ARHGAP22: variants seen among roughly 807,000 people sequenced by gnomAD.
ARHGAP22 encodes the protein rho GTPase-activating protein 22.
In ARHGAP22, 48 loss-of-function variants were observed where a neutral mutation model predicts 59.1. That is an observed-to-expected ratio of 0.81 (90% CI 0.64 to 1.03). ARHGAP22 has a LOEUF of 1.03. Ranked by LOEUF, ARHGAP22 falls within the 50% of genes least tolerant of loss-of-function variation. ARHGAP22 has a pLI of 0.00. For synonymous variants in ARHGAP22, 445 were observed against 416.4 expected (o/e 1.07, Z -0.84); for missense variants, 1,015 against 958.7 (o/e 1.06, Z -0.78).
At chr10:48,611,729 C>A (rs1446333391) in intron 1 of ARHGAP22, among the ~76,000 whole-genome samples, 1 of 151,980 alleles carries the variant, frequency 6.6e-6, no homozygotes, top group African/African-American at 2.4e-5. Flanking sequence ...TTCTTCCCTG[C>A]CCCACTGTTC....
At chr10:48,475,768 C>T (rs1360910621) in intron 4 of ARHGAP22, among the ~76,000 whole-genome samples, 1 of 152,242 alleles carries the variant, frequency 6.6e-6, no homozygotes, top group Non-Finnish European at 1.5e-5. Context: ...CTTTCCTCAA[C>T]ATGACAGCCA....
At chr10:48,654,717 A>G (rs2062690145), upstream of ARHGAP22, among the ~76,000 whole-genome samples, 1 of 152,086 alleles carries the variant, frequency 6.6e-6, no homozygotes, top group Admixed American at 6.5e-5. Flanking sequence ...AGAGAGAGGG[A>G]GAGAGAGACA....
At chr10:48,614,316 A>G (rs562827060) in intron 1 of ARHGAP22, among the ~76,000 whole-genome samples, 1 of 152,214 alleles carries the variant, frequency 6.6e-6, no homozygotes. Flanking sequence ...GATTTGGCAA[A>G]GGAGAGTTGT....
chr10:48,457,321 C>A (rs1356665300), intron 5 of ARHGAP22, among the ~76,000 whole-genome samples: 3 of 152,196 alleles, frequency 2.0e-5, no homozygotes, highest in African/African-American at 7.2e-5. Flanking sequence ...CTTCACCCCA[C>A]CTGGGTGTCC....
chr10:48,604,003 A>C (rs1473363130), intron 1 of ARHGAP22, among the ~76,000 whole-genome samples: 1 of 152,252 alleles, frequency 6.6e-6, no homozygotes, highest in South Asian at 2.1e-4. Flanking sequence ...ACCTGAAAAG[A>C]CACATTCTAT....
At chr10:48,590,857 G>A (rs1418105491) in intron 1 of ARHGAP22, among the ~76,000 whole-genome samples, 1 of 151,722 alleles carries the variant, frequency 6.6e-6, no homozygotes, top group African/African-American at 2.4e-5. Context: ...GCAGGGTAGG[G>A]CTGGGGTGGG....
chr10:48,609,937 AC>A (rs1450658552), upstream of ARHGAP22, among the ~76,000 whole-genome samples: 4 of 152,212 alleles, frequency 2.6e-5, no homozygotes, highest in Non-Finnish European at 4.4e-5. Context: ...TCAAAGGTGA[AC>A]TTTTGCTCCA....
At chr10:48,639,762 T>C (rs941909154) in intron 1 of ARHGAP22, among the ~76,000 whole-genome samples, 3 of 152,180 alleles carry the variant, frequency 2.0e-5, no homozygotes, top group Non-Finnish European at 4.4e-5. Context: ...AATTCAGCGT[T>C]CTTAAAATAT....
intron 2 of ARHGAP22, among the ~76,000 whole-genome samples, chr10:48,569,694 G>A (rs2058277432): frequency 6.6e-6 from 1 of 152,222 alleles, no homozygotes; most frequent in Non-Finnish European, 1.5e-5. Flanking sequence ...ACTTAAATTA[G>A]CAGATCCTGA....
At chr10:48,595,114 A>T (rs1409276667) in intron 1 of ARHGAP22, among the ~76,000 whole-genome samples, 2 of 152,232 alleles carry the variant, frequency 1.3e-5, no homozygotes, top group Admixed American at 1.3e-4. Context: ...GCCGTGGGCC[A>T]GGGATGTTTC....
intron 3 of ARHGAP22, among the ~76,000 whole-genome samples, chr10:48,545,602 C>A (rs1349607635): frequency 6.6e-6 from 1 of 152,238 alleles, no homozygotes; most frequent in Non-Finnish European, 1.5e-5. Context: ...ATCCTCCCCA[C>A]TCAGGCGGCG....
chr10:48,479,891 G>C, intron 3 of ARHGAP22, 127 bp from the exon 4 acceptor site: 1 of 918,022 alleles, frequency 1.1e-6, no homozygotes, highest in South Asian at 1.9e-5. Context: ...GCTGAGCTTT[G>C]CTTTTATCTC....
At chr10:48,534,081 G>T (rs2055120567) in intron 3 of ARHGAP22, among the ~76,000 whole-genome samples, 1 of 152,264 alleles carries the variant, frequency 6.6e-6, no homozygotes, top group African/African-American at 2.4e-5. Flanking sequence ...TCCTTGGAGG[G>T]GGAGGCAGTA....
chr10:48,459,878 C>A lies in ARHGAP22; in HGVS notation c.465G>T (p.Gln155His), dbSNP rs115248528. 6.2e-7 allele frequency: 1 copy of A among 1,612,302 alleles called. No homozygotes were observed. The highest frequency in any genetic ancestry group is 1.3e-5 in the African/African-American group (1 of 74,934). ...CGTGGTGGACTGTTTCCTCTAGGCG[C>A]TGCCCAAAGATCCCTGAGCACAGAG... The part of the protein sequence containing the change: ...WAPLGGGIFG[Q>H]RLEETVHHER... The change falls in exon 5 of 10, where the codon CAG becomes CAT. Residue 155 changes from glutamine (Q) to histidine (H), a missense_variant. Coordinates refer to ENST00000249601, the MANE Select transcript of ARHGAP22 (RefSeq NM_021226.4).
chr10:48,642,528 T>A (rs2062095377), intron 1 of ARHGAP22, among the ~76,000 whole-genome samples: 1 of 152,228 alleles, frequency 6.6e-6, no homozygotes, highest in South Asian at 2.1e-4. Flanking sequence ...GAAAACTGGC[T>A]AGCCATATGT....
In ARHGAP22 at chr10:48,450,752, G is replaced by T. The variant is rs1215752446; in HGVS notation, c.1377C>A (p.Asn459Lys). 4.5e-6 allele frequency: 7 copies of T among 1,560,522 alleles called. No individual in the cohort carries two copies. The highest frequency in any genetic ancestry group is 5.2e-6 in the Non-Finnish European group (6 of 1,152,576). Residue 459 changes from asparagine (N) to lysine (K), a missense_variant, in exon 9 of 10, where the codon AAC becomes AAA. Physicochemically the swap from Asn to Lys is moderately conservative, Grantham distance 94 (BLOSUM62 0). Transcript: ENST00000249601. ...GGGAGGACAGCCCGTTCATAAGCCA[G>T]TTCCCGCCGGAGGAGATGATGGGCA... is the stretch of plus-strand genomic sequence containing the variant. Reference protein sequence around the residue: ...LEVPIISSGGNWLMNGLSSLR... With the variant: ...LEVPIISSGGKWLMNGLSSLR...
chr10:48,562,611 G>A (rs1422872369), intron 2 of ARHGAP22, among the ~76,000 whole-genome samples: 2 of 152,130 alleles, frequency 1.3e-5, no homozygotes, highest in Non-Finnish European at 2.9e-5. Flanking sequence ...GATCAGCCTG[G>A]GGTCAGGGGT....
Position 48,562,008 on chromosome 10 carries a change from C to T in ARHGAP22, c.235-6458G>A, listed in dbSNP as rs543399968. 1.6e-4 allele frequency among the ~76,000 whole-genome samples: 24 copies of T among 152,246 alleles called. No homozygotes were observed. In the South Asian group the frequency reaches 3.1e-3, roughly 20 times the overall value. On this transcript the variant is annotated intron_variant, in intron 2 of 9. Transcript: ENST00000249601. ...TTGGGGGGCCGAGGTGGGCAGATCA[C>T]GAGGTCAGAAGTTCGAGACCAGCTT...
chr10:48,435,274 C>G, the ARHGAP22 span: 1 of 368,920 alleles, frequency 2.7e-6, no homozygotes, highest in Non-Finnish European at 4.8e-6. Flanking sequence ...TAATGTAAAC[C>G]TAATTATTTT....
Sources: gnomAD v4.1 joint callset for allele counts (sites outside exome capture counted in the v4.1 genomes callset) on GRCh38, gnomAD v4.1.1 for gene constraint, MANE v1.5 for transcripts, NCBI Gene and HGNC (gene_info 2026-07-23, HGNC 2026-07-21) for gene names.